Variants in TNPO3 observed in about 807,000 individuals in gnomAD.
TNPO3 encodes the protein transportin 3.
TNPO3 carries 65 observed loss-of-function variants against 122.8 expected under a neutral mutation model. That is an observed-to-expected ratio of 0.53 (90% CI 0.43 to 0.65). The LOEUF (loss-of-function observed/expected upper bound fraction) is 0.65, where lower values mean the gene tolerates loss of function less well. Among genes scored for constraint, TNPO3 ranks in the 30% least tolerant of loss-of-function variants. TNPO3 has a pLI of 0.00. For synonymous variants in TNPO3, 372 were observed against 411.2 expected (o/e 0.90, Z 1.15); for missense variants, 850 against 1,136.7 (o/e 0.75, Z 3.63).
At position 128,993,957 on chromosome 7, in the gene TNPO3, G is replaced by A. The variant is rs749902143; in HGVS notation, c.1159-43C>T. The A allele has an allele frequency of 9.9e-6, 15 of 1,519,776 alleles. No individual in the cohort carries two copies. The South Asian group carries it at 1.0e-4, about 10-fold the overall frequency. The allele number at this position is 1,519,776 out of a possible 1,614,324, so 94.1% of individuals were successfully genotyped here. On this transcript the variant is annotated intron_variant, in intron 8 of 22. Transcript: ENST00000265388. ...ATAACATCTGCTTTAAACTCACTGC[G>A]GCTTTCAATGACCTCTATAAAATCA... is the stretch of plus-strand genomic sequence containing the variant.
Position 128,972,470 on chromosome 7 carries a change from T to G in TNPO3, c.2386A>C (p.Met796Leu). Residue 796 changes from methionine (M) to leucine (L), a missense_variant, in exon 19 of 23, where the codon ATG (methionine) becomes CTG (leucine). Coordinates refer to ENST00000265388, the MANE Select transcript of TNPO3 (RefSeq NM_012470.4). Reference sequence around the variant, plus strand: ...TGAATGAGGTCTCGTAGAAACCTCATGACACTACAATTGGCATCCCGGTGG... The same window carrying G: ...TGAATGAGGTCTCGTAGAAACCTCAGGACACTACAATTGGCATCCCGGTGG... ...LDHRDANCSVMRFLRDLIHTG... is the reference protein window; with the variant it reads ...LDHRDANCSVLRFLRDLIHTG... The G allele has an allele frequency of 6.2e-7, 1 of 1,614,134 alleles. No homozygotes were observed. Among genetic ancestry groups the G allele is most frequent in the South Asian group, 1.1e-5 (1 of 91,074 alleles).
rs563674009 is a variant in TNPO3 at position 128,977,311 on chromosome 7, A to C, written c.2062-1376T>G. Among the ~76,000 whole-genome samples, 172 of 152,376 alleles carry C rather than the reference A, an allele frequency of 1.1e-3. 1 individual carries two copies. Among genetic ancestry groups the C allele is most frequent in the Admixed American group, 2.9e-3 (44 of 15,306 alleles). ...CCAACAGCAAAGGGGCAGTCTATCA[A>C]GTTGTAGTAGACCCAGAATGTATTG... is the stretch of plus-strand genomic sequence containing the variant. On this transcript the variant is annotated intron_variant, in intron 16 of 22. Coordinates refer to ENST00000265388, the MANE Select transcript of TNPO3 (RefSeq NM_012470.4).
intron 22 of TNPO3, among the ~76,000 whole-genome samples, chr7:128,955,842 T>C (rs942301098): frequency 6.6e-6 from 1 of 152,090 alleles, no homozygotes. Context: ...TTAAGCGGAG[T>C]GGTTCAAAGT....
At chr7:128,982,551 A>G (rs1799734464) in intron 13 of TNPO3, among the ~76,000 whole-genome samples, 1 of 152,100 alleles carries the variant, frequency 6.6e-6, no homozygotes, top group Non-Finnish European at 1.5e-5. Context: ...ATATTGCTAC[A>G]TTTTACTGTC....
At chr7:128,977,660 G>A (rs959453062) in intron 16 of TNPO3, among the ~76,000 whole-genome samples, 1 of 148,380 alleles carries the variant, frequency 6.7e-6, no homozygotes, top group Non-Finnish European at 1.5e-5. Flanking sequence ...GCAGTGGCAC[G>A]ATCTCAGCTC....
intron 10 of TNPO3, among the ~76,000 whole-genome samples, chr7:128,991,739 A>G (rs867416019): frequency 1.3e-5 from 2 of 152,236 alleles, no homozygotes; most frequent in Non-Finnish European, 2.9e-5. Flanking sequence ...AGGGAGCCTC[A>G]GTTGGAAAAA....
chr7:129,046,210 A>AG (rs951316325), intron 1 of TNPO3, among the ~76,000 whole-genome samples: 19 of 150,822 alleles, frequency 1.3e-4, no homozygotes, highest in African/African-American at 4.5e-4. Context: ...AAAAAAAAAA[A>AG]AAAAAAAGAA....
At chr7:129,008,378 CA>C (rs921094320) in intron 4 of TNPO3, among the ~76,000 whole-genome samples, 12 of 151,548 alleles carry the variant, frequency 7.9e-5, no homozygotes, top group Non-Finnish European at 1.8e-4. Flanking sequence ...AATAAAACAA[CA>C]CTTTAAAAGT....
At chr7:128,968,863 AC>A (rs1261359041) in intron 20 of TNPO3, among the ~76,000 whole-genome samples, 1 of 151,814 alleles carries the variant, frequency 6.6e-6, no homozygotes, top group Non-Finnish European at 1.5e-5. Flanking sequence ...GATGTATGCC[AC>A]CACACCCAGC....
At chr7:129,036,831 C>T (rs1033382070) in intron 1 of TNPO3, among the ~76,000 whole-genome samples, 1 of 151,878 alleles carries the variant, frequency 6.6e-6, no homozygotes, top group Admixed American at 6.6e-5. Context: ...TAAAAAAATA[C>T]GGTAACTGAA....
chr7:128,993,749 GA>G (rs1585340235), intron 9 of TNPO3, 57 bp downstream of exon 9: 1 of 1,395,582 alleles, frequency 7.2e-7, no homozygotes, highest in East Asian at 2.3e-5. Flanking sequence ...AGAAGACACA[GA>G]AGTGAATACA....
intron 1 of TNPO3, among the ~76,000 whole-genome samples, chr7:129,049,038 A>C (rs1199050662): frequency 6.6e-6 from 1 of 152,228 alleles, no homozygotes; most frequent in Non-Finnish European, 1.5e-5. Flanking sequence ...GGCTGAAATC[A>C]CTTTTGGCTG....
chr7:129,054,774 G>GGTGGCGGTA lies in TNPO3; in HGVS notation c.-13_-5dup, dbSNP rs763332143. ...ATGTCGGCTTTGCTCCTTCCATGGT[G>GGTGGCGGTA]GTGGCGGTAGTGGCGGTAGCGACGG... On this transcript the variant is annotated 5_prime_UTR_variant, in exon 1 of 23. Transcript: ENST00000265388. 9.3e-6 allele frequency: 15 copies of GGTGGCGGTA among 1,613,956 alleles called. No individual in the cohort carries two copies. The highest frequency in any genetic ancestry group is 2.2e-5 in the East Asian group (1 of 44,880).
chr7:128,995,763 A>C (rs1801246533), intron 8 of TNPO3, among the ~76,000 whole-genome samples: 1 of 152,166 alleles, frequency 6.6e-6, no homozygotes, highest in Non-Finnish European at 1.5e-5. Context: ...CAGTGGCGCA[A>C]TCTTGGCTCA....
At chr7:128,973,045 C>T (rs1017644547) in intron 18 of TNPO3, among the ~76,000 whole-genome samples, 7 of 152,064 alleles carry the variant, frequency 4.6e-5, no homozygotes, top group African/African-American at 9.7e-5. Flanking sequence ...TATTAAAAGA[C>T]GTGTCACCAC....
intron 1 of TNPO3, among the ~76,000 whole-genome samples, chr7:129,026,039 T>C (rs185369258): frequency 2.7e-4 from 41 of 151,026 alleles, no homozygotes; most frequent in African/African-American, 9.7e-4. Flanking sequence ...GGCAGGAGAA[T>C]TGCTTGAACC....
At chr7:128,979,831 C>T in intron 15 of TNPO3, 140 bp downstream of exon 15, 5 of 756,340 alleles carry the variant, frequency 6.6e-6, no homozygotes, top group East Asian at 2.7e-5. Flanking sequence ...TGGCTCTGTC[C>T]CTCATTTCAT....
chr7:128,978,387 A>G (rs1398865353), intron 16 of TNPO3, among the ~76,000 whole-genome samples: 1 of 152,218 alleles, frequency 6.6e-6, no homozygotes. Flanking sequence ...CTGACTTGCT[A>G]CATTTTTTCC....
chr7:129,041,361 CAAAAA>C (rs1380073978), intron 1 of TNPO3, among the ~76,000 whole-genome samples: 1 of 151,970 alleles, frequency 6.6e-6, no homozygotes, highest in African/African-American at 2.4e-5. Context: ...GATGCTGTCT[CAAAAA>C]AGAAAACAAA....
Sources: allele counts gnomAD v4.1 joint callset (sites outside exome capture counted in the v4.1 genomes callset), GRCh38; gene constraint gnomAD v4.1.1; transcripts MANE v1.5; gene names NCBI Gene and HGNC (gene_info 2026-07-23, HGNC 2026-07-21).